Variants in KIAA1671 observed in about 807,000 individuals in gnomAD.
KIAA1671 encodes uncharacterized protein KIAA1671.
In KIAA1671, 52 loss-of-function variants were observed where a neutral mutation model predicts 131.2. The observed-to-expected ratio is 0.40, with a 90% CI of 0.32 to 0.50. The LOEUF (loss-of-function observed/expected upper bound fraction) is 0.50. KIAA1671 is among the 20% of genes least tolerant of loss of function. The pLI is 0.73. For missense variants in KIAA1671, 2,360 were observed against 2,364.2 expected, an observed-to-expected ratio of 1.00 and a Z score of 0.04; for synonymous variants, 1,003 against 961.6, an observed-to-expected ratio of 1.04 and a Z score of -0.80.
intron 6 of KIAA1671, among the ~76,000 whole-genome samples, chr22:25,093,844 C>CTCTT (rs1930256842): frequency 1.1e-5 from 1 of 90,562 alleles, no homozygotes; most frequent in African/African-American, 4.1e-5. Context: ...GTCTGTCTCT[C>CTCTT]TCTCTCTCTC....
At chr22:25,165,249 G>T (rs1029589864) in intron 6 of KIAA1671, among the ~76,000 whole-genome samples, 5 of 152,166 alleles carry the variant, frequency 3.3e-5, no homozygotes, top group African/African-American at 1.2e-4. Context: ...AAATTTGACA[G>T]TCTGTGTTAA....
intron 6 of KIAA1671, among the ~76,000 whole-genome samples, chr22:25,093,532 G>T (rs1357661686): frequency 4.6e-5 from 7 of 152,114 alleles, no homozygotes; most frequent in Non-Finnish European, 5.9e-5. Flanking sequence ...GTGTTCAATT[G>T]CTTGGAGAAG....
chr22:25,052,501 T>C (rs1927590318), intron 6 of KIAA1671: 1 of 152,226 alleles, frequency 6.6e-6, no homozygotes, highest in Non-Finnish European at 1.5e-5. Context: ...ACTGCTATTA[T>C]TTCCACTTCA....
chr22:25,023,539 A>G (rs1357085402), intron 1 of KIAA1671: 1 of 152,236 alleles, frequency 6.6e-6, no homozygotes, highest in Non-Finnish European at 1.5e-5. Flanking sequence ...TTCAAAGCAT[A>G]CAGTTAAATT....
chr22:25,083,309 G>C (rs920143853), intron 6 of KIAA1671, among the ~76,000 whole-genome samples: 1 of 152,182 alleles, frequency 6.6e-6, no homozygotes, highest in Non-Finnish European at 1.5e-5. Flanking sequence ...TTAACAGTCA[G>C]ATTGGATTAG....
intron 6 of KIAA1671, among the ~76,000 whole-genome samples, chr22:25,078,888 G>A (rs1009069533): frequency 9.2e-5 from 14 of 152,258 alleles, no homozygotes; most frequent in Admixed American, 7.2e-4. Context: ...AGGCAAAAAC[G>A]GGCTTGGAGT....
At chr22:25,135,733 G>C (rs1308127064) in intron 6 of KIAA1671, among the ~76,000 whole-genome samples, 1 of 152,244 alleles carries the variant, frequency 6.6e-6, no homozygotes, top group Non-Finnish European at 1.5e-5. Context: ...CTCCAGAAAA[G>C]GACAGGGAGA....
intron 9 of KIAA1671, chr22:25,179,320 T>C: frequency 6.3e-7 from 1 of 1,586,798 alleles, no homozygotes; most frequent in Non-Finnish European, 8.6e-7. Context: ...TAGCCCGACA[T>C]CTCCTCTCGC....
At chr22:25,073,668 C>T (rs957224636) in intron 6 of KIAA1671, among the ~76,000 whole-genome samples, 3 of 152,148 alleles carry the variant, frequency 2.0e-5, no homozygotes, top group African/African-American at 4.8e-5. Flanking sequence ...AACATCTTTC[C>T]ATTCCTCCCC....
intron 6 of KIAA1671, among the ~76,000 whole-genome samples, chr22:25,116,783 G>A (rs1430413868): frequency 2.0e-5 from 3 of 152,146 alleles, no homozygotes; most frequent in Admixed American, 6.5e-5. Flanking sequence ...GGCTGTGAAC[G>A]AAAGAGACAA....
intron 6 of KIAA1671, among the ~76,000 whole-genome samples, chr22:25,164,612 A>C (rs16979683): frequency 0.26 from 40,190 of 152,106 alleles, 5,395 homozygotes; most frequent in South Asian, 0.36. Context: ...GAGTTGGAAG[A>C]ATATCCTGCC....
chr22:25,102,239 C>T (rs939401283), intron 6 of KIAA1671, among the ~76,000 whole-genome samples: 4 of 152,130 alleles, frequency 2.6e-5, no homozygotes, highest in Non-Finnish European at 2.9e-5. Flanking sequence ...TCAGAGAGGG[C>T]GCCTGCTGCA....
chr22:25,115,170 A>G (rs1931588308), intron 6 of KIAA1671, among the ~76,000 whole-genome samples: 1 of 152,138 alleles, frequency 6.6e-6, no homozygotes, highest in Admixed American at 6.6e-5. Flanking sequence ...TTTATGCTGC[A>G]CTCCCATGTG....
At chr22:25,045,280 A>G (rs1927162021) in intron 5 of KIAA1671, among the ~76,000 whole-genome samples, 1 of 152,236 alleles carries the variant, frequency 6.6e-6, no homozygotes, top group African/African-American at 2.4e-5. Context: ...AGTGGTTTTT[A>G]ACTATGGGCA....
chr22:25,169,639 G>A (rs1015752676), intron 6 of KIAA1671, among the ~76,000 whole-genome samples: 9 of 152,214 alleles, frequency 5.9e-5, no homozygotes, highest in Admixed American at 5.2e-4. Context: ...TTTAATTTGC[G>A]AAGCAGACAA....
chr22:24,993,200 G>A (rs1265791255), intron 1 of KIAA1671, among the ~76,000 whole-genome samples: 1 of 152,130 alleles, frequency 6.6e-6, no homozygotes, highest in Non-Finnish European at 1.5e-5. Context: ...GCTCCTGGCA[G>A]GCAGGCGGTA....
chr22:24,994,854 C>T (rs1353197833), intron 1 of KIAA1671, among the ~76,000 whole-genome samples: 1 of 152,008 alleles, frequency 6.6e-6, no homozygotes, highest in African/African-American at 2.4e-5. Flanking sequence ...CTGCTGTATA[C>T]ACTTTCCAGG....
intron 1 of KIAA1671, among the ~76,000 whole-genome samples, chr22:24,962,979 G>A (rs1922090753): frequency 6.6e-6 from 1 of 152,000 alleles, no homozygotes. Flanking sequence ...TATTCACATG[G>A]CGCCACTATG....
intron 6 of KIAA1671, among the ~76,000 whole-genome samples, chr22:25,159,941 G>A (rs572806883): frequency 1.1e-4 from 16 of 152,326 alleles, no homozygotes; most frequent in Non-Finnish European, 1.5e-5. Flanking sequence ...GCCCCAAGGA[G>A]TGAACCCCAT....
Sources: allele counts gnomAD v4.1 joint callset (sites outside exome capture counted in the v4.1 genomes callset), GRCh38; gene constraint gnomAD v4.1.1; transcripts MANE v1.5; gene names NCBI Gene and HGNC (gene_info 2026-07-23, HGNC 2026-07-21).